SCLT1: variants seen among roughly 807,000 people sequenced by gnomAD.
SCLT1 encodes sodium channel and clathrin linker 1.
SCLT1 carries 78 observed loss-of-function variants against 112.8 expected under a neutral mutation model. The ratio of observed to expected loss-of-function variants is 0.69; its 90% CI spans 0.58 to 0.83. The LOEUF is 0.83. Among genes scored for constraint, SCLT1 ranks in the 40% least tolerant of loss-of-function variants. The pLI is 0.00. For missense variants in SCLT1, 747 were observed against 770.4 expected (o/e 0.97, Z 0.36); for synonymous variants, 257 against 254.7 (o/e 1.01, Z -0.09).
chr4:128,981,417 T>C (rs1300984238), intron 9 of SCLT1, among the ~76,000 whole-genome samples: 2 of 152,196 alleles, frequency 1.3e-5, no homozygotes, highest in African/African-American at 2.4e-5. Context: ...GTCGTAAGAT[T>C]TGCAACTTCC....
intron 18 of SCLT1, 44 bp downstream of exon 18, chr4:128,936,611 A>C: frequency 1.6e-6 from 2 of 1,250,586 alleles, no homozygotes; most frequent in Middle Eastern, 2.0e-4. Flanking sequence ...TAGGTTAAAG[A>C]ATTTCTTCTG....
intron 5 of SCLT1, among the ~76,000 whole-genome samples, chr4:129,015,594 T>C (rs530026222): frequency 6.6e-6 from 1 of 152,264 alleles, no homozygotes; most frequent in Non-Finnish European, 1.5e-5. Flanking sequence ...CCACTACATA[T>C]GCTCCTGCAC....
chr4:129,057,625 T>C (rs886070599), intron 2 of SCLT1, among the ~76,000 whole-genome samples: 1 of 151,674 alleles, frequency 6.6e-6, no homozygotes, highest in Non-Finnish European at 1.5e-5. Flanking sequence ...TCTGTTCAGG[T>C]TTTCTATTTC....
intron 5 of SCLT1, among the ~76,000 whole-genome samples, chr4:129,023,416 G>A (rs1253303738): frequency 6.6e-6 from 1 of 152,120 alleles, no homozygotes; most frequent in Non-Finnish European, 1.5e-5. Flanking sequence ...CACGTGTAAA[G>A]ACACACATAG....
chr4:128,997,029 C>T (rs1743068301), intron 8 of SCLT1, among the ~76,000 whole-genome samples: 1 of 151,872 alleles, frequency 6.6e-6, no homozygotes, highest in Non-Finnish European at 1.5e-5. Flanking sequence ...AAATCAGTAA[C>T]CATTTTGTTC....
At chr4:129,073,529 T>G (rs955352342) in intron 2 of SCLT1, among the ~76,000 whole-genome samples, 1 of 152,190 alleles carries the variant, frequency 6.6e-6, no homozygotes, top group Non-Finnish European at 1.5e-5. Context: ...TACCCATCAT[T>G]TATATGGGTT....
chr4:128,996,092 T>C (rs1023108339), intron 8 of SCLT1, among the ~76,000 whole-genome samples: 2 of 152,008 alleles, frequency 1.3e-5, no homozygotes, highest in African/African-American at 4.8e-5. Flanking sequence ...TGGGTGAAGC[T>C]GGGAGCTAAG....
chr4:129,070,858 T>C (rs1750943003), intron 2 of SCLT1, among the ~76,000 whole-genome samples: 1 of 152,186 alleles, frequency 6.6e-6, no homozygotes, highest in South Asian at 2.1e-4. Context: ...CCTTGAGGTG[T>C]GACCTTGGAA....
intron 11 of SCLT1, among the ~76,000 whole-genome samples, chr4:128,961,516 T>C (rs1445573786): frequency 1.3e-5 from 2 of 152,238 alleles, no homozygotes; most frequent in Non-Finnish European, 2.9e-5. Context: ...TGTTATTTGT[T>C]ATTTTCAGAC....
intron 7 of SCLT1, 72 bp downstream of exon 7, chr4:128,999,600 C>T: frequency 1.8e-6 from 2 of 1,099,744 alleles, no homozygotes; most frequent in East Asian, 4.8e-5. Flanking sequence ...CTTAAGCGTT[C>T]CCCTCTAAAA....
chr4:129,006,537 CA>C (rs57162820), intron 5 of SCLT1, among the ~76,000 whole-genome samples: 46,124 of 133,150 alleles, frequency 0.35, 8,256 homozygotes, highest in South Asian at 0.46. Context: ...GACTCTGTCT[CA>C]AAAAAAAAAA....
intron 2 of SCLT1, among the ~76,000 whole-genome samples, chr4:129,082,083 G>A (rs566922772): frequency 4.6e-5 from 7 of 152,252 alleles, no homozygotes; most frequent in Non-Finnish European, 7.4e-5. Context: ...GAACTCGAAT[G>A]AATTCCCATT....
chr4:128,933,330 T>G (rs1736922906), intron 18 of SCLT1, among the ~76,000 whole-genome samples: 1 of 146,874 alleles, frequency 6.8e-6, no homozygotes, highest in Non-Finnish European at 1.5e-5. Context: ...GACCAAAGAC[T>G]TTTTTTTCTT....
chr4:129,024,789 T>A (rs28776251), intron 5 of SCLT1, among the ~76,000 whole-genome samples: 1 of 152,146 alleles, frequency 6.6e-6, no homozygotes. Context: ...GCAAAGAAGT[T>A]AAAAACTTTG....
At chr4:129,015,884 T>C (rs750100249) in intron 5 of SCLT1, among the ~76,000 whole-genome samples, 11 of 152,160 alleles carry the variant, frequency 7.2e-5, no homozygotes, top group Non-Finnish European at 1.6e-4. Flanking sequence ...AGTACGCCAG[T>C]CATCTCCATC....
At chr4:129,050,941 G>C (rs1215733095) in intron 2 of SCLT1, among the ~76,000 whole-genome samples, 1 of 151,894 alleles carries the variant, frequency 6.6e-6, no homozygotes, top group Non-Finnish European at 1.5e-5. Context: ...TTTTCTGCTT[G>C]TGGCTAGCCA....
chr4:128,977,676 T>C (rs1048143197), intron 9 of SCLT1, among the ~76,000 whole-genome samples: 1 of 151,770 alleles, frequency 6.6e-6, no homozygotes, highest in Admixed American at 6.6e-5. Context: ...TAATTAAGAA[T>C]AAATGAAAGA....
intron 2 of SCLT1, among the ~76,000 whole-genome samples, chr4:129,068,476 T>G (rs545766269): frequency 7.2e-5 from 11 of 152,352 alleles, no homozygotes; most frequent in Non-Finnish European, 1.6e-4. Context: ...TCATTAGTAA[T>G]GTTGAGCACT....
intron 16 of SCLT1, among the ~76,000 whole-genome samples, chr4:128,945,566 G>A (rs956409201): frequency 4.6e-5 from 7 of 151,944 alleles, no homozygotes; most frequent in African/African-American, 1.5e-4. Context: ...TAATACCGTC[G>A]GGGTGGGGAG....
Sources: gnomAD v4.1 joint callset for allele counts (sites outside exome capture counted in the v4.1 genomes callset) on GRCh38, gnomAD v4.1.1 for gene constraint, MANE v1.5 for transcripts, NCBI Gene and HGNC (gene_info 2026-07-23, HGNC 2026-07-21) for gene names.